The following KIRREL1 variants were observed in gnomAD, a reference collection of about 807,000 sequenced individuals.
KIRREL1 encodes the protein kirre like nephrin family adhesion molecule 1, also known as kin of IRRE-like protein 1.
A neutral mutation model predicts 83.3 loss-of-function variants in KIRREL1; 25 were observed. The observed-to-expected ratio is 0.30, with a 90% confidence interval of 0.22 to 0.42. The LOEUF (loss-of-function observed/expected upper bound fraction) is 0.42. Ranked by LOEUF, KIRREL1 falls within the 10% of genes least tolerant of loss-of-function variation. KIRREL1 has a pLI of 1.00. For missense variants in KIRREL1, 812 were observed against 1,032.3 expected, an observed-to-expected ratio of 0.79 and a Z score of 2.92; for synonymous variants, 388 against 410.4, an observed-to-expected ratio of 0.95 and a Z score of 0.66.
intron 1 of KIRREL1, among the ~76,000 whole-genome samples, chr1:158,068,045 G>A (rs1026031886): frequency 1.3e-5 from 2 of 152,194 alleles, no homozygotes; most frequent in African/African-American, 4.8e-5. Flanking sequence ...AGGAGAGATT[G>A]ATTCTTCTGT....
chr1:158,044,349 A>G (rs1395849720), intron 1 of KIRREL1, among the ~76,000 whole-genome samples: 1 of 152,128 alleles, frequency 6.6e-6, no homozygotes, highest in Non-Finnish European at 1.5e-5. Context: ...GCCCAGAGAG[A>G]GCTTCCATCC....
chr1:158,044,314 C>T (rs536480576), intron 1 of KIRREL1, among the ~76,000 whole-genome samples: 1 of 152,278 alleles, frequency 6.6e-6, no homozygotes, highest in South Asian at 2.1e-4. Flanking sequence ...AGGGGACAGT[C>T]ATCTGTACTG....
chr1:158,057,833 C>T (rs144067646), intron 1 of KIRREL1, among the ~76,000 whole-genome samples: 1 of 152,330 alleles, frequency 6.6e-6, no homozygotes, highest in East Asian at 1.9e-4. Flanking sequence ...CTGCCACCAA[C>T]TGTCTGCAGT....
intron 1 of KIRREL1, among the ~76,000 whole-genome samples, chr1:158,032,095 A>T (rs994257435): frequency 2.2e-5 from 1 of 45,074 alleles, no homozygotes; most frequent in Non-Finnish European, 8.3e-5. Flanking sequence ...AAAGAAAAGA[A>T]AAGAAAAACA....
At chr1:158,016,457 A>C (rs16839562) in intron 1 of KIRREL1, among the ~76,000 whole-genome samples, 24,129 of 152,234 alleles carry the variant, frequency 0.16, 2,383 homozygotes, top group East Asian at 0.34. Context: ...TAAAGGCAGT[A>C]ACTATAGTTA....
intron 1 of KIRREL1, among the ~76,000 whole-genome samples, chr1:158,059,537 G>C (rs1434942360): frequency 6.6e-6 from 1 of 152,096 alleles, no homozygotes; most frequent in African/African-American, 2.4e-5. Flanking sequence ...TCTAACTGAG[G>C]GCCCTCATCT....
chr1:158,026,113 C>G (rs964248315), intron 1 of KIRREL1, among the ~76,000 whole-genome samples: 7 of 152,150 alleles, frequency 4.6e-5, no homozygotes, highest in Non-Finnish European at 7.3e-5. Flanking sequence ...CATAAGAAGG[C>G]CAAAGGCTGA....
chr1:158,092,401 G>T (rs978566259), intron 11 of KIRREL1, among the ~76,000 whole-genome samples: 1 of 140,422 alleles, frequency 7.1e-6, no homozygotes, highest in African/African-American at 2.6e-5. Context: ...AGGCTGGAGT[G>T]CAGTGGTGCG....
chr1:158,070,440 G>T (rs1397652306), intron 1 of KIRREL1, among the ~76,000 whole-genome samples: 1 of 152,214 alleles, frequency 6.6e-6, no homozygotes, highest in Non-Finnish European at 1.5e-5. Flanking sequence ...CTGGCACATA[G>T]TTGGCATCTT....
intron 1 of KIRREL1, among the ~76,000 whole-genome samples, chr1:158,069,294 T>G (rs1417050310): frequency 7.1e-6 from 1 of 140,670 alleles, no homozygotes; most frequent in African/African-American, 2.7e-5. Flanking sequence ...AAGAAGTGTA[T>G]GACGTACTTG....
chr1:158,007,854 C>T (rs1442956688), intron 1 of KIRREL1, among the ~76,000 whole-genome samples: 3 of 152,056 alleles, frequency 2.0e-5, no homozygotes, highest in Non-Finnish European at 4.4e-5. Flanking sequence ...GGATGCTCCC[C>T]GCTCCTGCTG....
At chr1:157,999,017 G>T (rs141877887) in intron 1 of KIRREL1, among the ~76,000 whole-genome samples, 1 of 152,040 alleles carries the variant, frequency 6.6e-6, no homozygotes, top group African/African-American at 2.4e-5. Flanking sequence ...CCTCCTAAGC[G>T]CCATGAGTGC....
chr1:158,077,951 C>T (rs1661731982), intron 2 of KIRREL1, 40 bp from the exon 3 acceptor site: 1 of 1,609,802 alleles, frequency 6.2e-7, no homozygotes, highest in East Asian at 2.2e-5. Context: ...AGGATGTGTC[C>T]TTGTTTCAAG....
intron 1 of KIRREL1, among the ~76,000 whole-genome samples, chr1:158,061,741 C>A (rs1661220857): frequency 6.6e-6 from 1 of 152,124 alleles, no homozygotes; most frequent in Non-Finnish European, 1.5e-5. Flanking sequence ...CTGAGACAGG[C>A]TCATGTGGGA....
At chr1:158,000,874 C>T (rs1373497764) in intron 1 of KIRREL1, among the ~76,000 whole-genome samples, 2 of 152,186 alleles carry the variant, frequency 1.3e-5, no homozygotes, top group Non-Finnish European at 2.9e-5. Context: ...TAGAAATCTC[C>T]AGAACTCTCT....
Position 158,096,357 on chromosome 1 carries a change from GT to G in KIRREL1, c.*1242del. 1 of 354,538 alleles carries G rather than the reference GT, an allele frequency of 2.8e-6. No homozygotes were observed. The highest frequency in any genetic ancestry group is 5.5e-6 in the Non-Finnish European group (1 of 180,984). The allele number at this position is 354,538 out of a possible 1,614,324, so 22.0% of individuals were successfully genotyped here. A position where few individuals can be genotyped will look rare whatever the true frequency, so the allele number is the denominator to read the frequency against. On this transcript the variant is annotated 3_prime_UTR_variant, in exon 15 of 15. Coordinates refer to ENST00000359209, the MANE Select transcript of KIRREL1 (RefSeq NM_018240.7). Reference sequence around the variant, plus strand: ...CAGGGGGTATGGGAGACAGGTTTTGGTTTTTAAGTGTCTTTTTTTTTTTTCT... The same window carrying G: ...CAGGGGGTATGGGAGACAGGTTTTGGTTTTAAGTGTCTTTTTTTTTTTTCT...
intron 8 of KIRREL1, 132 bp from the exon 9 acceptor site, chr1:158,089,370 A>G (rs1662120006): frequency 4.9e-6 from 7 of 1,429,186 alleles, no homozygotes; most frequent in Non-Finnish European, 5.8e-6. Flanking sequence ...GGACTCGGGA[A>G]CCCCATTTCC....
At chr1:158,089,450 C>A (rs773364893) in intron 8 of KIRREL1, 52 bp from the exon 9 acceptor site, 26 of 1,610,658 alleles carry the variant, frequency 1.6e-5, no homozygotes, top group Non-Finnish European at 2.0e-5. Flanking sequence ...CCTCATGGAC[C>A]TAGGGGCCCA....
intron 1 of KIRREL1, among the ~76,000 whole-genome samples, chr1:158,061,569 T>A (rs184812697): frequency 6.6e-6 from 1 of 152,324 alleles, no homozygotes. Flanking sequence ...CAGTTTTGTG[T>A]GAAGCTTTAG....
Sources: allele counts gnomAD v4.1 joint callset (sites outside exome capture counted in the v4.1 genomes callset), GRCh38; gene constraint gnomAD v4.1.1; transcripts MANE v1.5; gene names NCBI Gene and HGNC (gene_info 2026-07-23, HGNC 2026-07-21).